Variants in PHF12 observed in about 807,000 individuals in gnomAD.
The protein encoded by PHF12 is PHD finger protein 12, also known as PHD factor 1.
Under a neutral mutation model 99.8 loss-of-function variants are expected in PHF12, and 6 were observed. The ratio of observed to expected loss-of-function variants is 0.06; its 90% CI spans 0.03 to 0.12. PHF12 has a LOEUF of 0.12. PHF12 is among the 10% of genes least tolerant of loss of function. The pLI is 1.00. For missense variants in PHF12, 954 were observed against 1,300.1 expected, an observed-to-expected ratio of 0.73 and a Z score of 4.09; for synonymous variants, 480 against 514.9, an observed-to-expected ratio of 0.93 and a Z score of 0.92.
intron 6 of PHF12, 101 bp downstream of exon 6, chr17:28,919,042 G>A (rs2040110139): frequency 4.2e-6 from 6 of 1,423,378 alleles, no homozygotes; most frequent in Middle Eastern, 2.1e-4. Context: ...CTATGACAAT[G>A]TGGTGAACTT....
At chr17:28,920,537 T>G (rs192097730) in intron 5 of PHF12, among the ~76,000 whole-genome samples, 1 of 152,358 alleles carries the variant, frequency 6.6e-6, no homozygotes, top group East Asian at 1.9e-4. Flanking sequence ...AATGTTTAGT[T>G]TAAGTCCAAC....
chr17:28,924,429 C>T, intron 3 of PHF12, 127 bp from the exon 4 acceptor site: 1 of 1,296,778 alleles, frequency 7.7e-7, no homozygotes, highest in South Asian at 1.2e-5. Context: ...ACTCATCTAC[C>T]TGGTCACTTG....
intron 7 of PHF12, among the ~76,000 whole-genome samples, chr17:28,916,523 C>T (rs1455294155): frequency 6.6e-6 from 1 of 152,194 alleles, no homozygotes; most frequent in African/African-American, 2.4e-5. Context: ...AATGTGGCTG[C>T]CACCAAGTGG....
At chr17:28,913,420 T>G in intron 8 of PHF12, 143 bp from the exon 9 acceptor site, 1 of 1,427,458 alleles carries the variant, frequency 7.0e-7, no homozygotes, top group Non-Finnish European at 9.2e-7. Flanking sequence ...GCTTGACTCC[T>G]GATAGAATTC....
chr17:28,921,210 T>G (rs1201794409), intron 5 of PHF12, among the ~76,000 whole-genome samples: 4 of 151,668 alleles, frequency 2.6e-5, no homozygotes, highest in Non-Finnish European at 5.9e-5. Flanking sequence ...AAATACAGGG[T>G]CTCGCTCTGT....
intron 2 of PHF12, among the ~76,000 whole-genome samples, chr17:28,943,849 C>A (rs956803713): frequency 1.2e-4 from 18 of 152,158 alleles, no homozygotes; most frequent in African/African-American, 3.6e-4. Context: ...CCAGGATGAA[C>A]CTTGGAAAGA....
chr17:28,926,792 C>T (rs1006247728), intron 3 of PHF12, 199 bp downstream of exon 3: 2 of 1,527,520 alleles, frequency 1.3e-6, no homozygotes, highest in African/African-American at 2.7e-5. Context: ...CTCTTCTGCC[C>T]ATTTCAGCAG....
Position 28,906,836 on chromosome 17 carries a change from A to G in PHF12, c.2680+20T>C. 1 of 1,578,352 alleles carries G rather than the reference A, an allele frequency of 6.3e-7. No individual in the cohort carries two copies. Among genetic ancestry groups the G allele is most frequent in the African/African-American group, 1.4e-5 (1 of 74,036 alleles). On this transcript the variant is annotated intron_variant, in intron 14 of 14. Transcript: ENST00000332830. This position sits in a 1 kb window ranked among gnomAD's most constrained non-coding sequence, Gnocchi z 4.2. ...ACTGGGGCCTCAGCTTTGTGGCCAC[A>G]GATCTCTGCTCCAACTTACTGATGA...
Position 28,950,723 on chromosome 17 carries a change from G to A in PHF12, c.66+172C>T. On this transcript the variant is annotated intron_variant, in intron 1 of 14. Coordinates refer to ENST00000332830, the MANE Select transcript of PHF12 (RefSeq NM_001033561.2). This position sits in a 1 kb window ranked among gnomAD's most constrained non-coding sequence, Gnocchi z 5.7. Reference sequence around the variant, plus strand: ...GGTGAAACTGCTGCAAACGTCCTCGGAGGCTGAGCTCAGCCCCCTAAATTG... The same window carrying A: ...GGTGAAACTGCTGCAAACGTCCTCGAAGGCTGAGCTCAGCCCCCTAAATTG... 3 of 939,860 alleles carry A rather than the reference G, an allele frequency of 3.2e-6. No individual in the cohort carries two copies. The highest frequency in any genetic ancestry group is 4.4e-5 in the South Asian group (2 of 45,450). 58.2% of individuals were successfully genotyped at this position (939,860 alleles called of 1,614,324 possible).
At chr17:28,948,423 T>C (rs1192118120) in intron 2 of PHF12, among the ~76,000 whole-genome samples, 1 of 152,210 alleles carries the variant, frequency 6.6e-6, no homozygotes, top group Non-Finnish European at 1.5e-5. Context: ...TTATAGGAAG[T>C]AAAGGCTAAA....
rs1040486870 is a variant in PHF12, at chr17:28,918,995, A to G, written c.969+148T>C. ...AGCATAGCTGAAATATGTCAAAATG[A>G]TCAGAATTGAGTAGGGTGGCCTGCA... On this transcript the variant is annotated intron_variant, in intron 6 of 14. Transcript: ENST00000332830. 8.3e-5 allele frequency: 82 copies of G among 990,844 alleles called. 1 individual carries two copies. The South Asian group carries it at 1.2e-3, about 14-fold the overall frequency. The allele number at this position is 990,844 out of a possible 1,614,324, so 61.4% of individuals were successfully genotyped here.
At position 28,924,055 on chromosome 17, in the gene PHF12, A is replaced by T; in HGVS notation, c.569T>A (p.Val190Glu). The T allele has an allele frequency of 6.2e-7, 1 of 1,614,158 alleles. No homozygotes were observed. The highest frequency in any genetic ancestry group is 8.5e-7 in the Non-Finnish European group (1 of 1,180,026). ...QNDVDEDIID[V>E]DEEPVAAEPD... ...CTCCGCTGCTACTGGTTCCTCATCC[A>T]CGTCAATGATGTCTTCGTCGACATC... Residue 190 changes from valine to glutamate, a missense_variant, in exon 4 of 15, where the codon GTG becomes GAG. Val to Glu is a moderately radical substitution (Grantham distance 121). Coordinates refer to ENST00000332830, the MANE Select transcript of PHF12 (RefSeq NM_001033561.2).
At chr17:28,948,073 A>T (rs991527666) in intron 2 of PHF12, among the ~76,000 whole-genome samples, 1 of 152,216 alleles carries the variant, frequency 6.6e-6, no homozygotes, top group African/African-American at 2.4e-5. Flanking sequence ...TTAAAAGCCC[A>T]ATCTCAGGCA....
chr17:28,920,505 C>T, intron 5 of PHF12, among the ~76,000 whole-genome samples: 1 of 152,220 alleles, frequency 6.6e-6, no homozygotes, highest in Non-Finnish European at 1.5e-5. Context: ...TACTTTTAAA[C>T]TTATCTTTAG....
At chr17:28,918,818 CCAA>C (rs1567955916) in intron 6 of PHF12, among the ~76,000 whole-genome samples, 4 of 152,188 alleles carry the variant, frequency 2.6e-5, no homozygotes. Flanking sequence ...CCCCAGACAG[CCAA>C]CGATTTATTT....
chr17:28,947,439 G>T (rs1234172114), intron 2 of PHF12, among the ~76,000 whole-genome samples: 1 of 152,048 alleles, frequency 6.6e-6, no homozygotes, highest in Non-Finnish European at 1.5e-5. Context: ...TTAGCTGGGT[G>T]TGGTGGCGGG....
chr17:28,913,036 T>C lies in PHF12; in HGVS notation c.1535A>G (p.His512Arg), dbSNP rs778633640. 1 of 1,613,848 alleles carries C rather than the reference T, an allele frequency of 6.2e-7. No individual in the cohort carries two copies. The highest frequency in any genetic ancestry group is 1.3e-5 in the African/African-American group (1 of 74,886). Residue 512 changes from histidine to arginine, a missense_variant, in exon 9 of 15, where the codon CAC becomes CGC. His to Arg is a conservative substitution (Grantham distance 29). Coordinates refer to ENST00000332830, the MANE Select transcript of PHF12 (RefSeq NM_001033561.2). ...GATGTCCTCTAGGGCTGGGGACTGG[T>C]GGGGTGGAGAGCAGCTCAGGGAATT... ...TQNSLSCSPP[H>R]QSPALEDIGC...
intron 2 of PHF12, among the ~76,000 whole-genome samples, chr17:28,940,150 G>A (rs2040587670): frequency 6.6e-6 from 1 of 152,214 alleles, no homozygotes; most frequent in East Asian, 1.9e-4. Flanking sequence ...AATGTAATTA[G>A]GGGAAAAGAA....
In PHF12 at chr17:28,923,656, A is replaced by AAAAAG. The variant is rs1265193783; in HGVS notation, c.715+252_715+253insCTTTT. Among the ~76,000 whole-genome samples, 29 of 129,192 alleles carry AAAAAG rather than the reference A, an allele frequency of 2.2e-4. 2 individuals are homozygous for AAAAAG. The highest frequency in any genetic ancestry group is 9.0e-4 in the African/African-American group (28 of 30,962). The allele number at this position is 129,192 out of a possible 152,430, so 84.8% of individuals were successfully genotyped here. ...CTGAGTGACAAAGTGAGACTCACAA[A>AAAAAG]AAAAAAAAAAAAAAAAAAAGGAAAA... On this transcript the variant is annotated intron_variant, in intron 4 of 14. Coordinates refer to ENST00000332830, the MANE Select transcript of PHF12 (RefSeq NM_001033561.2).
Sources: allele counts gnomAD v4.1 joint callset (sites outside exome capture counted in the v4.1 genomes callset), GRCh38; gene constraint gnomAD v4.1.1; non-coding constraint Gnocchi (gnomAD v3.1); transcripts MANE v1.5; gene names NCBI Gene and HGNC (gene_info 2026-07-23, HGNC 2026-07-21).